XKR6: variants seen among roughly 807,000 people sequenced by gnomAD.
The protein encoded by XKR6 is XK-related protein 6.
XKR6 carries 22 observed loss-of-function variants against 56.7 expected under a neutral mutation model. That is an observed-to-expected ratio of 0.39 (90% CI 0.28 to 0.55). The LOEUF (loss-of-function observed/expected upper bound fraction) is 0.55, where lower values mean the gene tolerates loss of function less well. Among genes scored for constraint, XKR6 ranks in the 20% least tolerant of loss-of-function variants. The probability of loss-of-function intolerance (pLI) is 0.66; values close to 1 mark genes in which losing one functional copy is unlikely to be tolerated. For missense variants in XKR6, 852 were observed against 889.0 expected, an observed-to-expected ratio of 0.96 and a Z score of 0.53; for synonymous variants, 524 against 387.8, an observed-to-expected ratio of 1.35 and a Z score of -4.13.
At chr8:10,964,633 A>T (rs2129131761) in intron 1 of XKR6, among the ~76,000 whole-genome samples, 1 of 152,252 alleles carries the variant, frequency 6.6e-6, no homozygotes, top group South Asian at 2.1e-4. Flanking sequence ...TCCTCCCAAC[A>T]ATCAGCACCT....
In XKR6 at chr8:11,201,109, G is replaced by A. The variant is rs1363190835; in HGVS notation, c.231C>T (p.Leu77=). 1.3e-6 allele frequency: 2 copies of A among 1,505,904 alleles called. No individual in the cohort carries two copies. The highest frequency in any genetic ancestry group is 1.8e-6 in the Non-Finnish European group (2 of 1,134,588). 93.3% of individuals were successfully genotyped at this position (1,505,904 alleles called of 1,614,324 possible). ...CGCTGCGGCGCGGCTTCCTGCCCAGGAGGGAGCGCAGGCAGGCGGAGCGGC... is the reference window on the plus strand; with the variant it reads ...CGCTGCGGCGCGGCTTCCTGCCCAGAAGGGAGCGCAGGCAGGCGGAGCGGC... ...WGCRSACLRS[L]LGRKPRRSAA... is the part of the protein sequence containing the mutation. Residue 77 remains leucine (L), a synonymous_variant, in exon 1 of 3, where the codon CTC becomes CTT. Transcript: ENST00000416569.
chr8:11,062,833 G>T (rs773046582), intron 1 of XKR6: 2 of 456,138 alleles, frequency 4.4e-6, no homozygotes, highest in African/African-American at 2.0e-5. Context: ...CAGCGTGGCC[G>T]TGCGCCTGAG....
chr8:10,922,998 C>G (rs1236557175), intron 2 of XKR6, among the ~76,000 whole-genome samples: 1 of 152,226 alleles, frequency 6.6e-6, no homozygotes, highest in South Asian at 2.1e-4. Context: ...GAAGCTGGAG[C>G]CCCTGGGCCA....
intron 1 of XKR6, among the ~76,000 whole-genome samples, chr8:11,114,746 T>C (rs1445926410): frequency 7.4e-6 from 1 of 134,784 alleles, no homozygotes; most frequent in African/African-American, 2.5e-5. Flanking sequence ...TGTGTGTGTG[T>C]GTGTGTGTGT....
At chr8:11,142,482 G>A (rs141424495) in intron 1 of XKR6, among the ~76,000 whole-genome samples, 3 of 152,162 alleles carry the variant, frequency 2.0e-5, no homozygotes, top group Non-Finnish European at 4.4e-5. Context: ...CCTGGTGGGA[G>A]GTGTTTGGAT....
At chr8:11,056,699 G>C (rs1799693791) in intron 1 of XKR6, among the ~76,000 whole-genome samples, 1 of 152,222 alleles carries the variant, frequency 6.6e-6, no homozygotes, top group Non-Finnish European at 1.5e-5. Context: ...ATTGATTTAG[G>C]TGAAGTCTGA....
intron 1 of XKR6, among the ~76,000 whole-genome samples, chr8:10,941,585 C>T (rs1038034605): frequency 2.0e-5 from 3 of 152,228 alleles, no homozygotes; most frequent in Non-Finnish European, 2.9e-5. Flanking sequence ...GGTCCCCAGC[C>T]CCTACCAGAG....
intron 1 of XKR6, among the ~76,000 whole-genome samples, chr8:11,051,658 C>A (rs1303402314): frequency 6.6e-6 from 1 of 152,168 alleles, no homozygotes; most frequent in African/African-American, 2.4e-5. Context: ...CCCTTCTCAT[C>A]TCCTTGGCTG....
chr8:10,927,387 C>A lies in XKR6; in HGVS notation c.765-2557G>T, dbSNP rs1447872202. Among the ~76,000 whole-genome samples the A allele has an allele frequency of 2.0e-5, 3 of 152,082 alleles. No individual in the cohort carries two copies. In the East Asian group the frequency reaches 5.8e-4, roughly 29 times the overall value. On this transcript the variant is annotated intron_variant, in intron 1 of 2. Coordinates refer to ENST00000416569, the MANE Select transcript of XKR6 (RefSeq NM_173683.4). ...AACCCGGCTCTCTCAACAGGTGGCACCTGCAGCACACAAGCCATGAGCCAC... is the reference window on the plus strand; with the variant it reads ...AACCCGGCTCTCTCAACAGGTGGCAACTGCAGCACACAAGCCATGAGCCAC...
At chr8:11,097,353 C>T (rs7840980) in intron 1 of XKR6, among the ~76,000 whole-genome samples, 6 of 152,116 alleles carry the variant, frequency 3.9e-5, no homozygotes, top group East Asian at 1.9e-4. Flanking sequence ...AAACATTCCA[C>T]GAGAAGTTAG....
chr8:10,935,841 AGGTGT>A (rs1239085454), intron 1 of XKR6, among the ~76,000 whole-genome samples: 2 of 127,534 alleles, frequency 1.6e-5, no homozygotes, highest in Admixed American at 8.0e-5. Flanking sequence ...ATTTTGGAAT[AGGTGT>A]GGTGTGGTGC....
At chr8:11,133,956 T>C (rs1290930090) in intron 1 of XKR6, among the ~76,000 whole-genome samples, 1 of 152,216 alleles carries the variant, frequency 6.6e-6, no homozygotes, top group African/African-American at 2.4e-5. Flanking sequence ...TGGTCTCTTA[T>C]GTTTTTGACC....
chr8:10,921,682 G>A (rs1800724196), intron 2 of XKR6, among the ~76,000 whole-genome samples: 1 of 152,172 alleles, frequency 6.6e-6, no homozygotes, highest in Non-Finnish European at 1.5e-5. Context: ...GCCCCATCAG[G>A]AGCCCATCTG....
chr8:11,083,977 A>C (rs1797807448), intron 1 of XKR6, among the ~76,000 whole-genome samples: 1 of 152,230 alleles, frequency 6.6e-6, no homozygotes, highest in African/African-American at 2.4e-5. Flanking sequence ...AAGTAACATT[A>C]AAAGAAAAAC....
intron 1 of XKR6, among the ~76,000 whole-genome samples, chr8:11,169,918 A>G (rs1011740819): frequency 6.6e-6 from 1 of 152,140 alleles, no homozygotes; most frequent in African/African-American, 2.4e-5. Context: ...TAAATTTTTA[A>G]TATAAAAAAG....
chr8:11,133,210 T>C (rs1800203004), intron 1 of XKR6, among the ~76,000 whole-genome samples: 1 of 152,114 alleles, frequency 6.6e-6, no homozygotes. Context: ...AAGTAAGGTA[T>C]CAAAACATGA....
intron 1 of XKR6, among the ~76,000 whole-genome samples, chr8:10,930,913 A>G (rs1801033573): frequency 6.6e-6 from 1 of 152,240 alleles, no homozygotes; most frequent in African/African-American, 2.4e-5. Flanking sequence ...ACATCATACT[A>G]GAAGTCCTGT....
chr8:11,075,133 C>T (rs750686766), intron 1 of XKR6, among the ~76,000 whole-genome samples: 1 of 152,148 alleles, frequency 6.6e-6, no homozygotes, highest in South Asian at 2.1e-4. Context: ...AGGAGCCCAT[C>T]ATGTGGGGAG....
chr8:11,155,926 T>G (rs541087918), intron 1 of XKR6, among the ~76,000 whole-genome samples: 1 of 152,328 alleles, frequency 6.6e-6, no homozygotes, highest in South Asian at 2.1e-4. Flanking sequence ...CCTTCTCTCC[T>G]GATGCAATGA....
Sources: gnomAD v4.1 joint callset for allele counts (sites outside exome capture counted in the v4.1 genomes callset) on GRCh38, gnomAD v4.1.1 for gene constraint, MANE v1.5 for transcripts, NCBI Gene and HGNC (gene_info 2026-07-23, HGNC 2026-07-21) for gene names.